Variants in IPO11 observed in about 807,000 individuals in gnomAD.
IPO11 encodes the protein importin 11, also known as importin-11.
IPO11 carries 66 observed loss-of-function variants against 143.2 expected under a neutral mutation model. That is an observed-to-expected ratio of 0.46 (90% confidence interval 0.38 to 0.57). The LOEUF is 0.57. IPO11 is among the 20% of genes least tolerant of loss of function. The pLI is 0.00. For synonymous variants in IPO11, 385 were observed against 377.8 expected, an observed-to-expected ratio of 1.02 and a Z score of -0.22; for missense variants, 1,026 against 1,141.0, an observed-to-expected ratio of 0.90 and a Z score of 1.45.
Position 62,613,545 on chromosome 5 carries a change from G to A in IPO11, c.2763+11697G>A, listed in dbSNP as rs184356502. Among the ~76,000 whole-genome samples the A allele has an allele frequency of 3.2e-4, 48 of 151,744 alleles. 1 individual carries two copies. The highest frequency in any genetic ancestry group is 8.8e-5 in the Non-Finnish European group (6 of 67,914). ...CTTGAACTCCCAAGCTCAGGCAATC[G>A]GCCCGCCTCAGCCTCCCAAAGTACT... On this transcript the variant is annotated intron_variant, in intron 29 of 29. Transcript: ENST00000325324.
At chr5:62,515,548 A>C (rs146709623) in intron 20 of IPO11, 47 bp downstream of exon 20, 1 of 1,235,058 alleles carries the variant, frequency 8.1e-7, no homozygotes, top group African/African-American at 1.5e-5. Context: ...GGTTTTTAAA[A>C]AATTCTTTTA....
rs114437565 is a variant in IPO11, at chr5:62,446,835, A to T, written c.240-3092A>T. Among the ~76,000 whole-genome samples, 541 of 152,002 alleles carry T rather than the reference A, an allele frequency of 3.6e-3. 4 individuals carry two copies. The highest frequency in any genetic ancestry group is 0.013 in the African/African-American group (528 of 41,468). On this transcript the variant is annotated intron_variant, in intron 3 of 29. Transcript: ENST00000325324. ...AATACAAAAACTAGCTGGACATGGT[A>T]GTGTAAGCCTGTACTCCCAGCTACT...
chr5:62,576,286 A>G (rs1744311300), intron 27 of IPO11: 1 of 153,312 alleles, frequency 6.5e-6, no homozygotes, highest in Non-Finnish European at 1.5e-5. Context: ...GCCTTTTAGA[A>G]GTCATGTTCC....
At chr5:62,553,578 A>G (rs1048813738) in intron 26 of IPO11, among the ~76,000 whole-genome samples, 2 of 151,938 alleles carry the variant, frequency 1.3e-5, no homozygotes, top group African/African-American at 2.4e-5. Context: ...ATTGTTCTCC[A>G]TAATGGCTAC....
At chr5:62,581,021 T>C in intron 27 of IPO11, 1 of 1,551,236 alleles carries the variant, frequency 6.4e-7, no homozygotes, top group Non-Finnish European at 8.7e-7. Flanking sequence ...AATGAGGCTT[T>C]TGACATTTTG....
chr5:62,504,521 C>A, intron 16 of IPO11, 146 bp from the exon 17 acceptor site: 1 of 530,394 alleles, frequency 1.9e-6, no homozygotes, highest in East Asian at 3.4e-5. Flanking sequence ...AGGAGAGTAT[C>A]CCTTTATTTC....
At chr5:62,511,993 G>A (rs1427125898) in intron 19 of IPO11, among the ~76,000 whole-genome samples, 1 of 152,048 alleles carries the variant, frequency 6.6e-6, no homozygotes, top group Non-Finnish European at 1.5e-5. Flanking sequence ...TGGATACAGA[G>A]CACATCGTGG....
chr5:62,494,689 C>T (rs1473421139), intron 16 of IPO11, among the ~76,000 whole-genome samples: 1 of 152,082 alleles, frequency 6.6e-6, no homozygotes, highest in African/African-American at 2.4e-5. Context: ...AGTAATTTTA[C>T]AGGCGTATGA....
chr5:62,581,635 T>C (rs1376156941), intron 27 of IPO11, among the ~76,000 whole-genome samples: 1 of 152,188 alleles, frequency 6.6e-6, no homozygotes, highest in East Asian at 1.9e-4. Context: ...TTTAAGTAAC[T>C]ATGCCAAATT....
At chr5:62,429,285 G>A (rs544561972) in intron 1 of IPO11, among the ~76,000 whole-genome samples, 11 of 152,072 alleles carry the variant, frequency 7.2e-5, no homozygotes, top group African/African-American at 2.4e-4. Flanking sequence ...TTATGTGACT[G>A]GCTTCTTCTG....
chr5:62,605,627 C>T (rs961499274), intron 29 of IPO11, among the ~76,000 whole-genome samples: 4 of 151,754 alleles, frequency 2.6e-5, no homozygotes, highest in South Asian at 2.1e-4. Context: ...AAATCTGACT[C>T]ATAGTCACTT....
At chr5:62,422,096 C>T (rs1743534363) in intron 1 of IPO11, among the ~76,000 whole-genome samples, 2 of 151,952 alleles carry the variant, frequency 1.3e-5, no homozygotes, top group Admixed American at 1.3e-4. Context: ...ATAGCTTTTC[C>T]TTCCTATTTT....
At chr5:62,465,635 C>T (rs1448343371) in intron 5 of IPO11, among the ~76,000 whole-genome samples, 1 of 152,158 alleles carries the variant, frequency 6.6e-6, no homozygotes, top group Non-Finnish European at 1.5e-5. Flanking sequence ...TTTGATTTTA[C>T]TCTTTGAAAT....
chr5:62,601,712 G>T, intron 28 of IPO11, 52 bp from the exon 29 acceptor site: 1 of 890,120 alleles, frequency 1.1e-6, no homozygotes, highest in Non-Finnish European at 1.6e-6. Context: ...TTATTTTTAA[G>T]TGTATTATAG....
At position 62,514,328 on chromosome 5, in the gene IPO11, G is replaced by C. The variant is rs572421301; in HGVS notation, c.1783-1060G>C. ...TTGAGCACTGAGTGAATGAGACTCC[G>C]TCTGCAATCCTGGCACCTCGGGAGG... On this transcript the variant is annotated intron_variant, in intron 19 of 29. Coordinates refer to ENST00000325324, the MANE Select transcript of IPO11 (RefSeq NM_016338.5). Among the ~76,000 whole-genome samples the C allele has an allele frequency of 5.9e-5, 9 of 152,212 alleles. No homozygotes were observed. In the East Asian group the frequency reaches 1.7e-3, roughly 29 times the overall value.
chr5:62,599,119 G>C (rs1365690700), intron 28 of IPO11, among the ~76,000 whole-genome samples: 1 of 152,152 alleles, frequency 6.6e-6, no homozygotes, highest in Non-Finnish European at 1.5e-5. Flanking sequence ...AAACTCTACT[G>C]AATTAGACAC....
chr5:62,451,756 T>C lies in IPO11; in HGVS notation c.339T>C (p.Ile113=). The C allele has an allele frequency of 6.2e-7, 1 of 1,614,200 alleles. No individual in the cohort carries two copies. Among genetic ancestry groups the C allele is most frequent in the East Asian group, 2.2e-5 (1 of 44,884 alleles). Residue 113 remains isoleucine, a synonymous_variant, in exon 5 of 30, where the codon ATT becomes ATC. Transcript: ENST00000325324. Reference sequence around the variant, plus strand: ...TTGCAACTCAGATTGCAGTGCTCATTGCAAAAGTTGCTAGATTGGATTGTC... The same window carrying C: ...TTGCAACTCAGATTGCAGTGCTCATCGCAAAAGTTGCTAGATTGGATTGTC... ...NQIATQIAVL[I]AKVARLDCPR...
At chr5:62,454,744 A>T (rs1745066047) in intron 5 of IPO11, among the ~76,000 whole-genome samples, 1 of 152,116 alleles carries the variant, frequency 6.6e-6, no homozygotes, top group African/African-American at 2.4e-5. Flanking sequence ...TCTCAGATTC[A>T]CTACAGTGTA....
In IPO11 at chr5:62,414,016, TTAATTA is replaced by T. The variant is rs536096011; in HGVS notation, c.-7+1090_-7+1095del. Reference sequence around the variant, plus strand: ...CTAGCACAGGGTATAGTAGAAACAATTAATTATAGTAGTGGCTTGTGGCCATATATT... The same window carrying T: ...CTAGCACAGGGTATAGTAGAAACAATTAGTAGTGGCTTGTGGCCATATATT... On this transcript the variant is annotated intron_variant, in intron 1 of 29. Transcript: ENST00000325324. Among the ~76,000 whole-genome samples, 1,048 of 152,356 alleles carry T rather than the reference TTAATTA, an allele frequency of 6.9e-3. 3 individuals are homozygous for T. The highest frequency in any genetic ancestry group is 0.012 in the Non-Finnish European group (804 of 68,042).
Sources: gnomAD v4.1 joint callset for allele counts (sites outside exome capture counted in the v4.1 genomes callset) on GRCh38, gnomAD v4.1.1 for gene constraint, MANE v1.5 for transcripts, NCBI Gene and HGNC (gene_info 2026-07-23, HGNC 2026-07-21) for gene names.